Variants in DROSHA observed in about 807,000 individuals in gnomAD.
DROSHA encodes the protein drosha ribonuclease III, also known as ribonuclease 3.
Under a neutral mutation model 181.9 loss-of-function variants are expected in DROSHA, and 56 were observed. The observed-to-expected ratio is 0.31, with a 90% CI of 0.25 to 0.38. The LOEUF is 0.38. Among genes scored for constraint, DROSHA ranks in the 10% least tolerant of loss-of-function variants. The pLI is 1.00. For synonymous variants in DROSHA, 524 were observed against 591.2 expected, an observed-to-expected ratio of 0.89 and a Z score of 1.65; for missense variants, 1,218 against 1,743.5, an observed-to-expected ratio of 0.70 and a Z score of 5.37.
At chr5:31,429,286 G>A (rs959103832) in intron 27 of DROSHA, among the ~76,000 whole-genome samples, 189 bp downstream of exon 27, 2 of 152,144 alleles carry the variant, frequency 1.3e-5, no homozygotes, top group South Asian at 4.1e-4. Flanking sequence ...AACTCCTTGT[G>A]TAAAGGTCCA....
chr5:31,458,390 T>C (rs773028305), intron 20 of DROSHA, among the ~76,000 whole-genome samples: 12 of 152,216 alleles, frequency 7.9e-5, no homozygotes, highest in Non-Finnish European at 1.6e-4. Context: ...TGAGTAATTT[T>C]TGGTGCTGTC....
At position 31,517,886 on chromosome 5, in the gene DROSHA, C is replaced by T. The variant is rs541489568; in HGVS notation, c.948-2322G>A. Among the ~76,000 whole-genome samples, 77 of 151,834 alleles carry T rather than the reference C, an allele frequency of 5.1e-4. 1 individual carries two copies. Among genetic ancestry groups the T allele is most frequent in the Middle Eastern group, 6.8e-3 (2 of 294 alleles). The stretch of plus-strand genomic sequence containing the variant: ...TCAAAGACGAACCTGGGCAACATAG[C>T]GAGATCCCCATCTCTTTTTACATTT... On this transcript the variant is annotated intron_variant, in intron 6 of 35. Transcript: ENST00000344624.
At chr5:31,434,663 C>A (rs3805509) in intron 25 of DROSHA, among the ~76,000 whole-genome samples, 67,875 of 152,094 alleles carry the variant, frequency 0.45, 16,072 homozygotes, top group Non-Finnish European at 0.54. Context: ...AATTAAGAAA[C>A]CAGTCATAAA....
intron 30 of DROSHA, among the ~76,000 whole-genome samples, chr5:31,416,573 G>A (rs1377053445): frequency 2.0e-5 from 3 of 152,132 alleles, no homozygotes; most frequent in Non-Finnish European, 1.5e-5. Flanking sequence ...AAAGTTTCCC[G>A]CATCCAGAAG....
At chr5:31,524,024 T>C (rs543486317) in intron 5 of DROSHA, among the ~76,000 whole-genome samples, 1 of 149,968 alleles carries the variant, frequency 6.7e-6, no homozygotes, top group African/African-American at 2.5e-5. Context: ...CACATGCCTA[T>C]GCCTTTGCCA....
At chr5:31,440,459 A>G (rs1162012653) in intron 23 of DROSHA, among the ~76,000 whole-genome samples, 7 of 152,194 alleles carry the variant, frequency 4.6e-5, no homozygotes, top group Admixed American at 3.3e-4. Context: ...CTATCATTTC[A>G]CTTATCGCAT....
At chr5:31,530,114 C>T (rs1741095995) in intron 3 of DROSHA, among the ~76,000 whole-genome samples, 1 of 152,022 alleles carries the variant, frequency 6.6e-6, no homozygotes, top group South Asian at 2.1e-4. Flanking sequence ...ATAATAGGCA[C>T]CAAATAATAT....
rs567498167 is a variant in DROSHA at position 31,443,879 on chromosome 5, A to G, written c.2882+4668T>C. On this transcript the variant is annotated intron_variant, in intron 23 of 35. Coordinates refer to ENST00000344624, the MANE Select transcript of DROSHA (RefSeq NM_001382508.1). Reference sequence around the variant, plus strand: ...AATGGCATTCCTTCCTTTAATACTTATTTACTGAGTACCTGTTCTGTGAAA... The same window carrying G: ...AATGGCATTCCTTCCTTTAATACTTGTTTACTGAGTACCTGTTCTGTGAAA... Among the ~76,000 whole-genome samples the G allele has an allele frequency of 4.3e-4, 66 of 152,300 alleles. 1 individual carries two copies. The highest frequency in any genetic ancestry group is 2.0e-4 in the Admixed American group (3 of 15,292).
At chr5:31,454,722 C>G (rs1434231068) in intron 20 of DROSHA, among the ~76,000 whole-genome samples, 2 of 151,878 alleles carry the variant, frequency 1.3e-5, no homozygotes, top group Non-Finnish European at 2.9e-5. Flanking sequence ...AGTTGGATCA[C>G]GAGGTCAGGA....
intron 23 of DROSHA, among the ~76,000 whole-genome samples, chr5:31,439,302 C>G (rs1370860642): frequency 6.6e-6 from 1 of 152,202 alleles, no homozygotes; most frequent in African/African-American, 2.4e-5. Flanking sequence ...CCACCCTATT[C>G]CACCTGGGAT....
intron 10 of DROSHA, among the ~76,000 whole-genome samples, chr5:31,507,699 A>G (rs1738156505): frequency 6.6e-6 from 1 of 152,216 alleles, no homozygotes; most frequent in Non-Finnish European, 1.5e-5. Context: ...ATTCAATTGT[A>G]GGGATAGTTG....
chr5:31,481,591 T>A (rs924645267), intron 16 of DROSHA, among the ~76,000 whole-genome samples: 7 of 152,144 alleles, frequency 4.6e-5, no homozygotes, highest in Non-Finnish European at 8.8e-5. Context: ...GGCATCTCAA[T>A]AAAACAAAAC....
chr5:31,470,928 T>A lies in DROSHA; in HGVS notation c.2241+1135A>T, dbSNP rs1749655707. ...GGAATATCAATATATGCAACTGTTT[T>A]AAGAATAAAAATAGAATTCACAGTC... On this transcript the variant is annotated intron_variant, in intron 17 of 35. Coordinates refer to ENST00000344624, the MANE Select transcript of DROSHA (RefSeq NM_001382508.1). This position sits in a 1 kb window ranked among gnomAD's most constrained non-coding sequence, Gnocchi z 4.0. Among the ~76,000 whole-genome samples the A allele has an allele frequency of 6.6e-6, 1 of 152,176 alleles. No homozygotes were observed. The highest frequency in any genetic ancestry group is 2.4e-5 in the African/African-American group (1 of 41,452).
intron 18 of DROSHA, 178 bp from the exon 19 acceptor site, chr5:31,466,459 G>C (rs1338943202): frequency 1.8e-6 from 1 of 554,474 alleles, no homozygotes; most frequent in Non-Finnish European, 3.2e-6. Context: ...AGTCAGGATG[G>C]ACAAGAGTCA....
chr5:31,492,381 A>G (rs1057050584), intron 13 of DROSHA, among the ~76,000 whole-genome samples: 1 of 152,260 alleles, frequency 6.6e-6, no homozygotes, highest in Non-Finnish European at 1.5e-5. Context: ...CCAATGGAAC[A>G]GAATTTCATC....
At chr5:31,406,257 C>T (rs1312928844) in intron 34 of DROSHA, among the ~76,000 whole-genome samples, 1 of 152,016 alleles carries the variant, frequency 6.6e-6, no homozygotes, top group African/African-American at 2.4e-5. Flanking sequence ...CCTAAAATCC[C>T]AGCACTTTGG....
chr5:31,508,837 T>TG, intron 9 of DROSHA, 62 bp from the exon 10 acceptor site: 1 of 1,529,728 alleles, frequency 6.5e-7, no homozygotes, highest in East Asian at 2.5e-5. Context: ...TTTTTTTTTT[T>TG]CCCTGAGTTG....
chr5:31,502,144 C>T (rs1753638844), intron 11 of DROSHA, among the ~76,000 whole-genome samples: 1 of 152,238 alleles, frequency 6.6e-6, no homozygotes, highest in African/African-American at 2.4e-5. Context: ...CATTTAGAAA[C>T]ATTGTTCCAA....
intron 13 of DROSHA, among the ~76,000 whole-genome samples, chr5:31,491,700 A>AG (rs1752442171): frequency 6.6e-6 from 1 of 151,682 alleles, no homozygotes. Flanking sequence ...TGACACTTGA[A>AG]AAAAAAAAAT....
Sources: gnomAD v4.1 joint callset for allele counts (sites outside exome capture counted in the v4.1 genomes callset) on GRCh38, gnomAD v4.1.1 for gene constraint, Gnocchi (gnomAD v3.1) non-coding constraint, MANE v1.5 for transcripts, NCBI Gene and HGNC (gene_info 2026-07-23, HGNC 2026-07-21) for gene names.